PHF20: variants seen among roughly 807,000 people sequenced by gnomAD.
PHF20 encodes the protein PHD finger protein 20, also known as glioma-expressed antigen 2.
In PHF20, 23 loss-of-function variants were observed where a neutral mutation model predicts 113.5. The observed-to-expected ratio is 0.20, with a 90% CI of 0.15 to 0.29. PHF20 has a LOEUF of 0.29. Among genes scored for constraint, PHF20 ranks in the 10% least tolerant of loss-of-function variants. The pLI is 1.00. For missense variants in PHF20, 943 were observed against 1,219.6 expected, an observed-to-expected ratio of 0.77 and a Z score of 3.38; for synonymous variants, 434 against 457.3, an observed-to-expected ratio of 0.95 and a Z score of 0.65.
chr20:35,937,620 C>T lies in PHF20; in HGVS notation c.2301-1077C>T, dbSNP rs749097520. ...TTTCTTATCAGACCTAAAAAGGTGC[C>T]AGACTCTTCCTTAATTTTCTCCTGG... On this transcript the variant is annotated intron_variant, in intron 15 of 17. Coordinates refer to ENST00000374012, the MANE Select transcript of PHF20 (RefSeq NM_016436.5). 2.6e-5 allele frequency among the ~76,000 whole-genome samples: 4 copies of T among 152,246 alleles called. No homozygotes were observed. In the East Asian group the frequency reaches 7.7e-4, roughly 29 times the overall value.
At chr20:35,845,665 G>A (rs984116819) in intron 3 of PHF20, among the ~76,000 whole-genome samples, 3 of 152,166 alleles carry the variant, frequency 2.0e-5, no homozygotes, top group Admixed American at 1.3e-4. Context: ...GATTATAGGC[G>A]TGTGCCCTTG....
At position 35,870,941 on chromosome 20, in the gene PHF20, TA is replaced by T; in HGVS notation, c.923-12del. On this transcript the variant is annotated splice_polypyrimidine_tract_variant and intron_variant, in intron 7 of 17. Coordinates refer to ENST00000374012, the MANE Select transcript of PHF20 (RefSeq NM_016436.5). ...GTTGGTCTCTTGACTACAACTCTCT[TA>T]ATGGTTTAATAGCCCAGGAAAAGTC... 1 of 1,574,776 alleles carries T rather than the reference TA, an allele frequency of 6.4e-7. No homozygotes were observed. The highest frequency in any genetic ancestry group is 8.6e-7 in the Non-Finnish European group (1 of 1,166,698).
chr20:35,865,325 A>C (rs2054294793), intron 6 of PHF20, among the ~76,000 whole-genome samples: 1 of 151,882 alleles, frequency 6.6e-6, no homozygotes, highest in South Asian at 2.1e-4. Flanking sequence ...ACATAGTGAG[A>C]CCTCATCTCT....
chr20:35,866,197 G>A (rs2054317599), intron 6 of PHF20, among the ~76,000 whole-genome samples: 1 of 152,064 alleles, frequency 6.6e-6, no homozygotes. Context: ...GTGACAGAGC[G>A]AGACTCCATC....
At chr20:35,801,873 G>C in intron 2 of PHF20, 1 of 291,974 alleles carries the variant, frequency 3.4e-6, no homozygotes, top group East Asian at 6.9e-5. Flanking sequence ...CTACAGGGAA[G>C]GGAAGAGTTA....
intron 7 of PHF20, among the ~76,000 whole-genome samples, chr20:35,870,639 C>CTTTTTTTTTTTTTTTTTTTTTTTTTT: frequency 6.6e-6 from 1 of 151,628 alleles, no homozygotes; most frequent in East Asian, 1.9e-4. Context: ...TCTTATAAAC[C>CTTTTTTTTTTTTTTTTTTTTTTTTTT]TTTTTAAGTC....
At chr20:35,887,467 C>A (rs2054755915) in intron 9 of PHF20, among the ~76,000 whole-genome samples, 1 of 152,180 alleles carries the variant, frequency 6.6e-6, no homozygotes, top group Non-Finnish European at 1.5e-5. Flanking sequence ...GACTGTCAGA[C>A]TGAGGGCCTT....
At chr20:35,941,984 T>A (rs6060703) in intron 17 of PHF20, among the ~76,000 whole-genome samples, 2 of 151,908 alleles carry the variant, frequency 1.3e-5, no homozygotes, top group African/African-American at 4.8e-5. Flanking sequence ...AGAGTTGCCC[T>A]GTTGGAGGAC....
intron 1 of PHF20, among the ~76,000 whole-genome samples, chr20:35,783,310 C>G (rs1278516220): frequency 6.6e-6 from 1 of 152,182 alleles, no homozygotes; most frequent in East Asian, 1.9e-4. Context: ...TTTTATTCCT[C>G]TCAGAAAATG....
At chr20:35,811,720 A>G (rs1304618110) in intron 2 of PHF20, among the ~76,000 whole-genome samples, 1 of 152,066 alleles carries the variant, frequency 6.6e-6, no homozygotes, top group Non-Finnish European at 1.5e-5. Context: ...GATTATAGGC[A>G]TGTGCCACTG....
At chr20:35,897,957 C>T (rs1352981677) in intron 9 of PHF20, among the ~76,000 whole-genome samples, 1 of 151,594 alleles carries the variant, frequency 6.6e-6, no homozygotes, top group Non-Finnish European at 1.5e-5. Context: ...CTCACTGCAA[C>T]CTCCGCCTCC....
intron 9 of PHF20, among the ~76,000 whole-genome samples, chr20:35,875,751 G>T (rs766485418): frequency 1.3e-5 from 2 of 152,148 alleles, no homozygotes; most frequent in African/African-American, 4.8e-5. Context: ...TGTCTTAAGG[G>T]TAGTGGTATG....
intron 2 of PHF20, among the ~76,000 whole-genome samples, chr20:35,821,761 G>A (rs1000749375): frequency 5.3e-5 from 8 of 152,314 alleles, no homozygotes; most frequent in Admixed American, 1.3e-4. Flanking sequence ...CCATGTGAAA[G>A]ATGATAGTTG....
chr20:35,795,712 A>G (rs11906854), intron 1 of PHF20, among the ~76,000 whole-genome samples: 25,648 of 152,054 alleles, frequency 0.17, 2,250 homozygotes, highest in African/African-American at 0.23. Flanking sequence ...GAGCTACTGG[A>G]CTGAGGTTCG....
At chr20:35,883,242 G>T (rs1011622694) in intron 9 of PHF20, among the ~76,000 whole-genome samples, 1 of 151,790 alleles carries the variant, frequency 6.6e-6, no homozygotes, top group Non-Finnish European at 1.5e-5. Flanking sequence ...AAACAATTAC[G>T]TATAATTTAT....
chr20:35,861,929 C>T (rs6060643), intron 5 of PHF20, among the ~76,000 whole-genome samples: 15,260 of 152,184 alleles, frequency 0.1, 816 homozygotes, highest in South Asian at 0.16. Context: ...TGCTGGGCAT[C>T]CCATATGAAC....
rs775128525 is a variant in PHF20 at position 35,927,860 on chromosome 20, T to C, written c.2085T>C (p.Tyr695=). Residue 695 remains tyrosine (Y), a synonymous_variant, in exon 14 of 18, where the codon TAT becomes TAC. Transcript: ENST00000374012. ...EENVPEKYTC[Y]VCQDPPGQRP... is the part of the protein sequence containing the mutation. ...ATGTGCCCGAGAAATACACCTGTTA[T>C]GTTTGCCAAGACCCTCCAGGTAGAG... 6.2e-6 allele frequency: 10 copies of C among 1,613,210 alleles called. No individual in the cohort carries two copies. Among genetic ancestry groups the C allele is most frequent in the Admixed American group, 1.7e-5 (1 of 60,006 alleles).
intron 1 of PHF20, among the ~76,000 whole-genome samples, chr20:35,798,976 C>G (rs1464185412): frequency 6.6e-6 from 1 of 152,052 alleles, no homozygotes; most frequent in Non-Finnish European, 1.5e-5. Context: ...TGCATCCTGC[C>G]TTTTTATGTA....
intron 13 of PHF20, among the ~76,000 whole-genome samples, chr20:35,925,819 G>A (rs963669858): frequency 4.0e-5 from 6 of 151,136 alleles, no homozygotes; most frequent in African/African-American, 7.3e-5. Context: ...TTAGCTACAC[G>A]CACATGGAAA....
Sources: allele counts gnomAD v4.1 joint callset (sites outside exome capture counted in the v4.1 genomes callset), GRCh38; gene constraint gnomAD v4.1.1; transcripts MANE v1.5; gene names NCBI Gene and HGNC (gene_info 2026-07-23, HGNC 2026-07-21).